Variants in SCRG1 observed in about 807,000 individuals in gnomAD.
SCRG1 encodes stimulator of chondrogenesis 1.
In SCRG1, 3 loss-of-function variants were observed where a neutral mutation model predicts 7.7. The ratio of observed to expected loss-of-function variants is 0.39; its 90% CI spans 0.18 to 1.01. The LOEUF (loss-of-function observed/expected upper bound fraction) is 1.01. SCRG1 is among the 50% of genes least tolerant of loss of function. The pLI, the probability that SCRG1 is intolerant of heterozygous loss-of-function variation, is 0.36. For synonymous variants in SCRG1, 46 were observed against 41.2 expected (o/e 1.12, Z -0.44); for missense variants, 110 against 117.2 (o/e 0.94, Z 0.28).
the SCRG1 span, among the ~76,000 whole-genome samples, chr4:173,503,793 C>T: frequency 3.3e-5 from 5 of 152,258 alleles, no homozygotes; most frequent in Non-Finnish European, 4.4e-5. The surrounding 1 kb of genome is among the most constrained non-coding windows in gnomAD (Gnocchi z 6.4). Flanking sequence ...TACATCTTCG[C>T]GATGTCCCTA....
chr4:173,439,370 T>A, the SCRG1 span, among the ~76,000 whole-genome samples: 1 of 152,070 alleles, frequency 6.6e-6, no homozygotes. Context: ...CTACAAATTT[T>A]AAAAAACTAG....
chr4:173,394,410 C>T (rs1163346423), intron 1 of SCRG1, among the ~76,000 whole-genome samples: 3 of 151,960 alleles, frequency 2.0e-5, no homozygotes, highest in Admixed American at 1.3e-4. Context: ...TTTGGGAGGC[C>T]GAGGCAGGCA....
upstream of SCRG1, among the ~76,000 whole-genome samples, chr4:173,407,777 TTA>T: frequency 6.6e-6 from 1 of 152,354 alleles, no homozygotes; most frequent in Non-Finnish European, 1.5e-5. Flanking sequence ...GAACCTGCAA[TTA>T]TTTTATGGAA....
the SCRG1 span, among the ~76,000 whole-genome samples, chr4:173,504,195 G>A: frequency 6.6e-6 from 1 of 152,034 alleles, no homozygotes; most frequent in Non-Finnish European, 1.5e-5. This position sits in a 1 kb window ranked among gnomAD's most constrained non-coding sequence, Gnocchi z 4.7. Flanking sequence ...TTTCTTTTTG[G>A]TCTTGGCTTA....
chr4:173,502,112 T>C, the SCRG1 span, among the ~76,000 whole-genome samples: 2 of 151,912 alleles, frequency 1.3e-5, no homozygotes, highest in African/African-American at 4.8e-5. The surrounding 1 kb of genome is among the most constrained non-coding windows in gnomAD (Gnocchi z 4.6). Context: ...GAGAAGAATA[T>C]AGTATTGCAC....
chr4:173,500,610 G>T, the SCRG1 span, among the ~76,000 whole-genome samples: 1 of 152,206 alleles, frequency 6.6e-6, no homozygotes, highest in South Asian at 2.1e-4. Flanking sequence ...TTTCGGAGTA[G>T]CTTGGACTAC....
Position 173,387,711 on chromosome 4 carries a change from T to C in SCRG1, c.*630A>G, listed in dbSNP as rs1399835712. On this transcript the variant is annotated 3_prime_UTR_variant, in exon 3 of 3. Coordinates refer to ENST00000296506, the MANE Select transcript of SCRG1 (RefSeq NM_007281.4). Reference sequence around the variant, plus strand: ...CAAATATTGTTCCCTTTTCCTTTTTTTTTTTTTTTTTTTTTTTTCGAGACA... The same window carrying C: ...CAAATATTGTTCCCTTTTCCTTTTTCTTTTTTTTTTTTTTTTTTCGAGACA... 1 of 140,178 alleles carries C rather than the reference T, an allele frequency of 7.1e-6. No homozygotes were observed. Among genetic ancestry groups the C allele is most frequent in the East Asian group, 2.0e-4 (1 of 4,890 alleles). The allele number at this position is 140,178 out of a possible 1,614,324, so 8.7% of individuals were successfully genotyped here.
At chr4:173,389,721 A>G (rs1053130619) in intron 2 of SCRG1, 1 of 190,766 alleles carries the variant, frequency 5.2e-6, no homozygotes, top group Admixed American at 5.5e-5. Flanking sequence ...GGCTTGGTAG[A>G]AGAAAAATCT....
chr4:173,508,099 A>C, the SCRG1 span, among the ~76,000 whole-genome samples: 1 of 151,898 alleles, frequency 6.6e-6, no homozygotes, highest in Admixed American at 6.5e-5. This position sits in a 1 kb window ranked among gnomAD's most constrained non-coding sequence, Gnocchi z 4.4. Context: ...GAAAAGCCCG[A>C]GAAAAGCCCT....
At chr4:173,388,501 T>C in intron 2 of SCRG1, 106 bp from the exon 3 acceptor site, 1 of 757,650 alleles carries the variant, frequency 1.3e-6, no homozygotes, top group South Asian at 2.1e-5. Flanking sequence ...CAGTTATGAT[T>C]ATTCTTTTTA....
the SCRG1 span, among the ~76,000 whole-genome samples, chr4:173,503,342 C>G: frequency 6.6e-6 from 1 of 152,142 alleles, no homozygotes; most frequent in Non-Finnish European, 1.5e-5. This position sits in a 1 kb window ranked among gnomAD's most constrained non-coding sequence, Gnocchi z 6.4. Context: ...GATAATAGAA[C>G]TGGCTGAAGA....
the SCRG1 span, among the ~76,000 whole-genome samples, chr4:173,429,156 C>T: frequency 6.6e-6 from 1 of 152,160 alleles, no homozygotes; most frequent in Non-Finnish European, 1.5e-5. Context: ...AGATCTAAAT[C>T]CTGATTTCCC....
chr4:173,408,872 G>A (rs1052239582), upstream of SCRG1, among the ~76,000 whole-genome samples: 89 of 151,634 alleles, frequency 5.9e-4, no homozygotes, highest in African/African-American at 1.5e-3. Flanking sequence ...GGGCGCCTGT[G>A]GTCCCAGCTA....
the SCRG1 span, among the ~76,000 whole-genome samples, chr4:173,501,177 G>A: frequency 6.6e-6 from 1 of 152,384 alleles, no homozygotes; most frequent in Middle Eastern, 3.4e-3. This position sits in a 1 kb window ranked among gnomAD's most constrained non-coding sequence, Gnocchi z 5.1. Flanking sequence ...GTCTCGGCAA[G>A]CACTTCCGGG....
chr4:173,386,917 T>G lies in SCRG1; in HGVS notation c.*1424A>C, dbSNP rs933685599. The stretch of plus-strand genomic sequence containing the variant: ...TGGCTGGCACTTAGCAGGCTTTGAA[T>G]ACATTTTTATAACATGAAAGACTTT... On this transcript the variant is annotated 3_prime_UTR_variant, in exon 3 of 3. Coordinates refer to ENST00000296506, the MANE Select transcript of SCRG1 (RefSeq NM_007281.4). 2 of 152,242 alleles carry G rather than the reference T, an allele frequency of 1.3e-5. No individual in the cohort carries two copies. The highest frequency in any genetic ancestry group is 4.8e-5 in the African/African-American group (2 of 41,462). 9.4% of individuals were successfully genotyped at this position (152,242 alleles called of 1,614,324 possible).
the SCRG1 span, chr4:173,470,128 T>C: frequency 7.4e-5 from 11 of 148,018 alleles, no homozygotes; most frequent in South Asian, 1.1e-3. Flanking sequence ...TTCTTTTTTT[T>C]TTTTTTTTTT....
At chr4:173,509,707 C>A in the SCRG1 span, among the ~76,000 whole-genome samples, 12 of 152,232 alleles carry the variant, frequency 7.9e-5, no homozygotes, top group African/African-American at 2.4e-4. This position sits in a 1 kb window ranked among gnomAD's most constrained non-coding sequence, Gnocchi z 5.7. Flanking sequence ...GGGCGGTGTC[C>A]GCGCCCCTCC....
the SCRG1 span, among the ~76,000 whole-genome samples, chr4:173,454,084 A>C: frequency 6.6e-6 from 1 of 151,694 alleles, no homozygotes; most frequent in Admixed American, 6.6e-5. Context: ...TCTAAAAAAA[A>C]AAAAAAAAAG....
chr4:173,423,978 C>G, the SCRG1 span, among the ~76,000 whole-genome samples: 1 of 152,114 alleles, frequency 6.6e-6, no homozygotes, highest in African/African-American at 2.4e-5. Flanking sequence ...GGAGCACACT[C>G]CCATTATAAC....
Sources: gnomAD v4.1 joint callset for allele counts (sites outside exome capture counted in the v4.1 genomes callset) on GRCh38, gnomAD v4.1.1 for gene constraint, Gnocchi (gnomAD v3.1) non-coding constraint, MANE v1.5 for transcripts, NCBI Gene and HGNC (gene_info 2026-07-23, HGNC 2026-07-21) for gene names.